Variants in IL1RAPL2 observed in about 807,000 individuals in gnomAD.
IL1RAPL2 encodes interleukin 1 receptor accessory protein like 2.
Under a neutral mutation model 44.1 loss-of-function variants are expected in IL1RAPL2, and 3 were observed. The observed-to-expected ratio is 0.07, with a 90% CI of 0.03 to 0.18. The LOEUF (loss-of-function observed/expected upper bound fraction) is 0.18, where lower values mean the gene tolerates loss of function less well. Ranked by LOEUF, IL1RAPL2 falls within the 10% of genes least tolerant of loss-of-function variation. The pLI is 1.00. For missense variants in IL1RAPL2, 391 were observed against 496.4 expected, an observed-to-expected ratio of 0.79 and a Z score of 2.02; for synonymous variants, 181 against 178.8, an observed-to-expected ratio of 1.01 and a Z score of -0.10.
At chrX:104,727,504 C>A (rs1420140693) in intron 2 of IL1RAPL2, among the ~76,000 whole-genome samples, 1 of 111,395 alleles carries the variant, frequency 9.0e-6, no homozygotes, top group Non-Finnish European at 1.9e-5. Context: ...ATTAATACAA[C>A]CTTTATGGAA....
chrX:104,999,567 A>G (rs1214311425), intron 2 of IL1RAPL2, among the ~76,000 whole-genome samples: 1 of 111,528 alleles, frequency 9.0e-6, no homozygotes, highest in East Asian at 2.9e-4. Context: ...TCTATAGCTA[A>G]GGTCATCGAA....
chrX:105,042,130 G>T (rs2147759915), intron 2 of IL1RAPL2, among the ~76,000 whole-genome samples: 1 of 111,198 alleles, frequency 9.0e-6, no homozygotes, highest in African/African-American at 3.3e-5. Flanking sequence ...AACCCTAGAA[G>T]AAAACCTAGG....
At chrX:105,473,983 G>A (rs898652487) in intron 5 of IL1RAPL2, among the ~76,000 whole-genome samples, 2 of 111,234 alleles carry the variant, frequency 1.8e-5, no homozygotes, top group African/African-American at 6.5e-5. Flanking sequence ...CCACCCCAAA[G>A]ATGTCCATAA....
chrX:105,537,770 A>G (rs2147795800), intron 6 of IL1RAPL2, among the ~76,000 whole-genome samples: 1 of 111,201 alleles, frequency 9.0e-6, no homozygotes, highest in African/African-American at 3.3e-5. Context: ...ACAAATAATA[A>G]GTAGTTTTAA....
At chrX:105,407,202 A>G (rs1259601008) in intron 5 of IL1RAPL2, among the ~76,000 whole-genome samples, 1 of 110,906 alleles carries the variant, frequency 9.0e-6, no homozygotes, top group Non-Finnish European at 1.9e-5. Flanking sequence ...TGAGCGGTGC[A>G]TAAGGGAAAA....
rs12012884 is a variant in IL1RAPL2, at chrX:105,308,513, C to T, written c.697+40972C>T. 8.1e-3 allele frequency among the ~76,000 whole-genome samples: 906 copies of T among 112,180 alleles called. 2 individuals carry two copies. The highest frequency in any genetic ancestry group is 0.012 in the Non-Finnish European group (619 of 53,208). ...CTCTTGTGTCATTTCCAAGTCAATC[C>T]TTCTCTCCTTTCCAGAGGCACACAT... On this transcript the variant is annotated intron_variant, in intron 5 of 10. Transcript: ENST00000372582.
At chrX:104,751,063 G>A (rs1181297999) in intron 2 of IL1RAPL2, among the ~76,000 whole-genome samples, 1 of 111,027 alleles carries the variant, frequency 9.0e-6, no homozygotes, top group Non-Finnish European at 1.9e-5. Context: ...ACAAGATTAT[G>A]AGCCCGTAAA....
intron 2 of IL1RAPL2, among the ~76,000 whole-genome samples, chrX:105,009,079 T>TC (rs2030997886): frequency 9.1e-6 from 1 of 110,315 alleles, no homozygotes; most frequent in East Asian, 2.9e-4. Context: ...GAATGGCGAG[T>TC]ATTAAAAAGT....
chrX:105,569,298 T>A (rs983963299), intron 6 of IL1RAPL2, among the ~76,000 whole-genome samples: 1 of 111,972 alleles, frequency 8.9e-6, no homozygotes, highest in African/African-American at 3.2e-5. Context: ...ATGCTGTAGG[T>A]CACATGTCTA....
intron 1 of IL1RAPL2, among the ~76,000 whole-genome samples, chrX:104,598,647 G>C (rs922597159): frequency 8.9e-6 from 1 of 112,229 alleles, no homozygotes; most frequent in Non-Finnish European, 1.9e-5. Flanking sequence ...GCTTAGACTT[G>C]TTCTCTCTAA....
intron 2 of IL1RAPL2, among the ~76,000 whole-genome samples, chrX:104,811,458 G>A (rs1408303171): frequency 1.8e-5 from 2 of 111,190 alleles, no homozygotes; most frequent in Non-Finnish European, 3.8e-5. Context: ...AATGGAAGGA[G>A]AAAAGTAATT....
At chrX:104,887,462 G>C (rs944596038) in intron 2 of IL1RAPL2, among the ~76,000 whole-genome samples, 1 of 112,069 alleles carries the variant, frequency 8.9e-6, no homozygotes. Context: ...CTGTTTAAGA[G>C]TAGTTGCAGC....
chrX:105,588,753 GT>G (rs764998521), intron 6 of IL1RAPL2, among the ~76,000 whole-genome samples: 3 of 111,820 alleles, frequency 2.7e-5, no homozygotes, highest in Non-Finnish European at 5.6e-5. Context: ...ATATTCCATG[GT>G]ATATATGTAC....
intron 3 of IL1RAPL2, among the ~76,000 whole-genome samples, chrX:105,233,269 G>A (rs897386407): frequency 8.1e-5 from 9 of 111,695 alleles, no homozygotes; most frequent in African/African-American, 2.6e-4. Flanking sequence ...GGGCGACAGA[G>A]CGAGGCGCCG....
chrX:104,596,339 G>T (rs1928764223), intron 1 of IL1RAPL2, among the ~76,000 whole-genome samples: 1 of 111,414 alleles, frequency 9.0e-6, no homozygotes, highest in South Asian at 3.8e-4. Context: ...ATAATGGAAG[G>T]AAATGCTAAA....
At chrX:105,399,973 G>C (rs1376886577) in intron 5 of IL1RAPL2, among the ~76,000 whole-genome samples, 1 of 111,051 alleles carries the variant, frequency 9.0e-6, no homozygotes, top group African/African-American at 3.3e-5. Context: ...ATTAGCATTA[G>C]TTAAGTAGAA....
intron 5 of IL1RAPL2, among the ~76,000 whole-genome samples, chrX:105,447,614 T>G (rs2035977362): frequency 1.3e-5 from 1 of 78,152 alleles, no homozygotes; most frequent in African/African-American, 5.3e-5. Context: ...TATAAATATA[T>G]AAACATAAAT....
chrX:105,032,765 A>T (rs1367146123), intron 2 of IL1RAPL2, among the ~76,000 whole-genome samples: 1 of 110,977 alleles, frequency 9.0e-6, no homozygotes, highest in Admixed American at 9.6e-5. Context: ...AGATGAGTTC[A>T]GTTCCTGGGT....
chrX:104,619,775 GA>G (rs1298780602), intron 1 of IL1RAPL2, among the ~76,000 whole-genome samples: 2 of 111,907 alleles, frequency 1.8e-5, no homozygotes, highest in Admixed American at 9.5e-5. Flanking sequence ...ATACTACAGG[GA>G]AAATATTAAA....
Sources: allele counts gnomAD v4.1 joint callset (sites outside exome capture counted in the v4.1 genomes callset), GRCh38; gene constraint gnomAD v4.1.1; transcripts MANE v1.5; gene names NCBI Gene and HGNC (gene_info 2026-07-23, HGNC 2026-07-21).